Variants in CDNF observed in about 807,000 individuals in gnomAD.
CDNF encodes cerebral dopamine neurotrophic factor.
Under a neutral mutation model 14.8 loss-of-function variants are expected in CDNF, and 9 were observed. The observed-to-expected ratio is 0.61, with a 90% confidence interval of 0.37 to 1.06. The LOEUF (loss-of-function observed/expected upper bound fraction) is 1.06. CDNF is among the 50% of genes least tolerant of loss of function. CDNF has a pLI of 0.01. For missense variants in CDNF, 228 were observed against 228.4 expected, an observed-to-expected ratio of 1.00 and a Z score of 0.01; for synonymous variants, 86 against 87.2, an observed-to-expected ratio of 0.99 and a Z score of 0.07.
At chr10:14,821,629 A>T (rs1669179492) in intron 3 of CDNF, among the ~76,000 whole-genome samples, 2 of 152,344 alleles carry the variant, frequency 1.3e-5, no homozygotes, top group Non-Finnish European at 2.9e-5. Context: ...ACAACAGTGT[A>T]TACAAAGTTA....
chr10:14,827,769 G>A (rs917927332), intron 2 of CDNF, among the ~76,000 whole-genome samples: 18 of 152,212 alleles, frequency 1.2e-4, no homozygotes, highest in South Asian at 4.1e-4. Context: ...GTGCACACCC[G>A]TAATCCTAGC....
Position 14,832,852 on chromosome 10 carries a change from C to CTTTT in CDNF, c.116-4584_116-4581dup, listed in dbSNP as rs918887413. Reference sequence around the variant, plus strand: ...CAGGAATCTAATCTTTCTTTTTTTGCTTTTTTTTTTTTTTTTTTTTTTTTT... The same window carrying CTTTT: ...CAGGAATCTAATCTTTCTTTTTTTGCTTTTTTTTTTTTTTTTTTTTTTTTTTTTT... On this transcript the variant is annotated intron_variant, in intron 1 of 3. Coordinates refer to ENST00000465530, the MANE Select transcript of CDNF (RefSeq NM_001029954.3). Among the ~76,000 whole-genome samples the CTTTT allele has an allele frequency of 9.2e-4, 74 of 80,492 alleles. 1 individual carries two copies. The highest frequency in any genetic ancestry group is 1.3e-3 in the African/African-American group (26 of 20,094). The allele number at this position is 80,492 out of a possible 152,430, so 52.8% of individuals were successfully genotyped here.
At chr10:14,834,243 AGGAG>A (rs1833868613) in intron 1 of CDNF, 1 of 152,116 alleles carries the variant, frequency 6.6e-6, no homozygotes, top group East Asian at 1.9e-4. Flanking sequence ...CAGGAGGCTG[AGGAG>A]GGAGGATCAC....
intron 1 of CDNF, among the ~76,000 whole-genome samples, chr10:14,832,711 G>GGA (rs759253194): frequency 6.6e-6 from 1 of 152,032 alleles, no homozygotes; most frequent in Non-Finnish European, 1.5e-5. Flanking sequence ...TCAGAGTTGG[G>GGA]GAGAGAGAGA....
intron 2 of CDNF, among the ~76,000 whole-genome samples, chr10:14,826,250 T>TAAGAAGCAGTAGAAGAAGCAGCAG (rs1833790779): frequency 1.8e-5 from 2 of 108,374 alleles, no homozygotes; most frequent in African/African-American, 7.4e-5. Context: ...AGAAGAAGCA[T>TAAGAAGCAGTAGAAGAAGCAGCAG]AAGAAGCAGT....
At chr10:14,828,961 G>A (rs964662980) in intron 1 of CDNF, among the ~76,000 whole-genome samples, 2 of 152,076 alleles carry the variant, frequency 1.3e-5, no homozygotes, top group Non-Finnish European at 2.9e-5. Context: ...GCAGATGGAG[G>A]CTGCAGTGAG....
At chr10:14,829,026 A>C (rs1008999357) in intron 1 of CDNF, among the ~76,000 whole-genome samples, 1 of 152,158 alleles carries the variant, frequency 6.6e-6, no homozygotes, top group African/African-American at 2.4e-5. Flanking sequence ...CCCTGTCTCA[A>C]GAAAATTAAA....
chr10:14,826,482 A>AG (rs1564313869), intron 2 of CDNF, among the ~76,000 whole-genome samples: 1 of 140,890 alleles, frequency 7.1e-6, no homozygotes, highest in African/African-American at 2.6e-5. Flanking sequence ...AGAAGAAGAA[A>AG]AAGAAGAAGA....
In CDNF at chr10:14,831,531, A is replaced by G. The variant is rs1237866259; in HGVS notation, c.116-3259T>C. The stretch of plus-strand genomic sequence containing the variant: ...ACATATATATAAAATACATATATAC[A>G]CATATATAATACATATATACACACA... On this transcript the variant is annotated intron_variant, in intron 1 of 3. Coordinates refer to ENST00000465530, the MANE Select transcript of CDNF (RefSeq NM_001029954.3). Among the ~76,000 whole-genome samples the G allele has an allele frequency of 2.0e-5, 3 of 149,444 alleles. No individual in the cohort carries two copies. In the Admixed American group the frequency reaches 2.0e-4, roughly 10 times the overall value.
chr10:14,820,840 A>T (rs113639507), intron 3 of CDNF, among the ~76,000 whole-genome samples: 2,201 of 152,208 alleles, frequency 0.014, 63 homozygotes, highest in African/African-American at 0.049. Flanking sequence ...CTGTTGGAGG[A>T]GGGGCCTGTT....
At chr10:14,837,090 T>C (rs953097898) in intron 1 of CDNF, among the ~76,000 whole-genome samples, 2 of 152,210 alleles carry the variant, frequency 1.3e-5, no homozygotes, top group African/African-American at 4.8e-5. Flanking sequence ...AAACTAATTA[T>C]TTTCAGTAAA....
At chr10:14,826,102 AGCAGCAGC>A (rs1833785134) in intron 2 of CDNF, among the ~76,000 whole-genome samples, 5 of 115,946 alleles carry the variant, frequency 4.3e-5, no homozygotes, top group Admixed American at 8.9e-5. Flanking sequence ...AAGAAGCAGC[AGCAGCAGC>A]AGCAGCAGCA....
chr10:14,825,375 A>ATT, intron 3 of CDNF, 104 bp downstream of exon 3: 2 of 1,173,624 alleles, frequency 1.7e-6, no homozygotes, highest in Non-Finnish European at 2.4e-6. Context: ...ATGAGTGGTG[A>ATT]ATTTCTTTCC....
At chr10:14,830,490 T>C (rs966274803) in intron 1 of CDNF, among the ~76,000 whole-genome samples, 8 of 152,186 alleles carry the variant, frequency 5.3e-5, no homozygotes, top group South Asian at 4.1e-4. Context: ...CTCTATTTCT[T>C]AGAACTTTAA....
chr10:14,828,051 A>T (rs959167239), intron 2 of CDNF, 94 bp downstream of exon 2: 27 of 1,270,498 alleles, frequency 2.1e-5, no homozygotes, highest in Admixed American at 1.4e-4. Flanking sequence ...CTTGAGGCAA[A>T]CATGTAAGTA....
Position 14,838,028 on chromosome 10 carries a change from G to A in CDNF, c.-82C>T, listed in dbSNP as rs1048983720. 1.9e-6 allele frequency: 2 copies of A among 1,062,616 alleles called. No homozygotes were observed. Among genetic ancestry groups the A allele is most frequent in the East Asian group, 5.2e-5 (2 of 38,740 alleles). 65.8% of individuals were successfully genotyped at this position (1,062,616 alleles called of 1,614,324 possible). On this transcript the variant is annotated 5_prime_UTR_variant, in exon 1 of 4. Transcript: ENST00000465530. Reference sequence around the variant, plus strand: ...CCAAAGCGAGCTGAGCAGAATTCGAGGTTGGAAAGAATCTGCCAGTAGTTG... The same window carrying A: ...CCAAAGCGAGCTGAGCAGAATTCGAAGTTGGAAAGAATCTGCCAGTAGTTG...
intron 1 of CDNF, among the ~76,000 whole-genome samples, chr10:14,834,027 T>C (rs1254835412): frequency 6.6e-6 from 1 of 152,162 alleles, no homozygotes; most frequent in Non-Finnish European, 1.5e-5. Context: ...GCTGTAATGA[T>C]TAATGCTACA....
At chr10:14,833,861 A>G (rs1459850337) in intron 1 of CDNF, among the ~76,000 whole-genome samples, 1 of 152,210 alleles carries the variant, frequency 6.6e-6, no homozygotes, top group Non-Finnish European at 1.5e-5. Flanking sequence ...TAGGATAAGA[A>G]CAAAGACTGA....
intron 1 of CDNF, among the ~76,000 whole-genome samples, chr10:14,832,010 T>C (rs1833847945): frequency 6.6e-6 from 1 of 152,088 alleles, no homozygotes. Context: ...GATTCAGTAA[T>C]GAAGAAAACA....
Sources: gnomAD v4.1 joint callset for allele counts (sites outside exome capture counted in the v4.1 genomes callset) on GRCh38, gnomAD v4.1.1 for gene constraint, MANE v1.5 for transcripts, NCBI Gene and HGNC (gene_info 2026-07-23, HGNC 2026-07-21) for gene names.